MEP1B: variants seen among roughly 807,000 people sequenced by gnomAD.
MEP1B encodes N-benzoyl-L-tyrosyl-P-amino-benzoic acid hydrolase subunit beta.
In MEP1B, 80 loss-of-function variants were observed where a neutral mutation model predicts 84.6. The observed-to-expected ratio is 0.95, with a 90% CI of 0.79 to 1.14. The LOEUF (loss-of-function observed/expected upper bound fraction) is 1.14. Among genes scored for constraint, MEP1B ranks in the 50% most tolerant of loss-of-function variants. The pLI is 0.00. For synonymous variants in MEP1B, 273 were observed against 288.1 expected (o/e 0.95, Z 0.53); for missense variants, 766 against 855.1 (o/e 0.90, Z 1.30).
At chr18:32,192,717 C>T (rs886742593) in intron 3 of MEP1B, 27 bp downstream of exon 3, 40 of 1,611,326 alleles carry the variant, frequency 2.5e-5, no homozygotes, top group Admixed American at 2.0e-4. Flanking sequence ...TACATAATCT[C>T]TTAAGTAGAG....
chr18:32,209,654 A>G (rs1420633879), intron 9 of MEP1B, among the ~76,000 whole-genome samples: 2 of 152,152 alleles, frequency 1.3e-5, no homozygotes, highest in African/African-American at 2.4e-5. Flanking sequence ...TTTTTTCATT[A>G]CAAGTATCAT....
Position 32,202,870 on chromosome 18 carries a change from TTTTG to T in MEP1B, c.251-15_251-12del. On this transcript the variant is annotated intron_variant, in intron 5 of 14. Transcript: ENST00000269202. ...GTGGTGATTGTTTTAATAAGCTTAT[TTTTG>T]TTTGTTTTCTTCCTTCAGAAATGAA... is the stretch of plus-strand genomic sequence containing the variant. 2 of 1,477,976 alleles carry T rather than the reference TTTTG, an allele frequency of 1.4e-6. No individual in the cohort carries two copies. Among genetic ancestry groups the T allele is most frequent in the South Asian group, 2.4e-5 (2 of 84,222 alleles). The allele number at this position is 1,477,976 out of a possible 1,614,324, so 91.6% of individuals were successfully genotyped here.
intron 5 of MEP1B, among the ~76,000 whole-genome samples, chr18:32,195,835 A>T (rs1030098466): frequency 6.6e-6 from 1 of 152,082 alleles, no homozygotes; most frequent in East Asian, 1.9e-4. Flanking sequence ...GTGCAAAAAC[A>T]TCTTTTGGAG....
rs562192005 is a variant in MEP1B at position 32,215,534 on chromosome 18, G to A, written c.1759+273G>A. On this transcript the variant is annotated intron_variant, in intron 12 of 14. Transcript: ENST00000269202. ...GGTTGGGAAATTTCTTTAGAAATAA[G>A]TTAAAATAGGCCGGGCGCAGTGGCT... Among the ~76,000 whole-genome samples the A allele has an allele frequency of 8.8e-4, 134 of 152,250 alleles. 4 individuals carry two copies. In the South Asian group the frequency reaches 0.027, roughly 31 times the overall value.
In MEP1B at chr18:32,208,203, A is replaced by T. The variant is rs2144410727; in HGVS notation, c.851A>T (p.Asp284Val). 1.2e-6 allele frequency: 2 copies of T among 1,613,988 alleles called. No individual in the cohort carries two copies. The highest frequency in any genetic ancestry group is 1.7e-6 in the Non-Finnish European group (2 of 1,179,894). ...GMIQSSGDNA[D>V]WQRVSQVPRG... Reference sequence around the variant, plus strand: ...ATCCAAAGTTCAGGAGATAATGCTGACTGGCAACGGGTTTCACAGGTTCCC... The same window carrying T: ...ATCCAAAGTTCAGGAGATAATGCTGTCTGGCAACGGGTTTCACAGGTTCCC... Residue 284 changes from aspartate to valine, a missense_variant, in exon 9 of 15, where the codon GAC (aspartate) becomes GTC (valine). By Grantham distance (152) the Asp-to-Val change is radical (BLOSUM62 -3). Coordinates refer to ENST00000269202, the MANE Select transcript of MEP1B (RefSeq NM_005925.3).
chr18:32,204,657 A>G (rs1218988053), intron 7 of MEP1B, among the ~76,000 whole-genome samples: 1 of 152,136 alleles, frequency 6.6e-6, no homozygotes, highest in Non-Finnish European at 1.5e-5. Context: ...GCAAATCCCC[A>G]AGTCTTAGTC....
At chr18:32,216,245 T>C (rs183660003) in intron 12 of MEP1B, among the ~76,000 whole-genome samples, 3 of 152,272 alleles carry the variant, frequency 2.0e-5, no homozygotes, top group Admixed American at 2.0e-4. Context: ...CCAGTGTCCA[T>C]TAGAGTAAAT....
At chr18:32,192,582 AT>A (rs2040812654) in intron 2 of MEP1B, 63 bp from the exon 3 acceptor site, 3 of 1,471,862 alleles carry the variant, frequency 2.0e-6, no homozygotes, top group Non-Finnish European at 2.8e-6. Flanking sequence ...TATATAAATG[AT>A]AAAGGTTTTC....
At chr18:32,204,776 AT>A (rs1184241051) in intron 7 of MEP1B, among the ~76,000 whole-genome samples, 1 of 152,146 alleles carries the variant, frequency 6.6e-6, no homozygotes, top group East Asian at 1.9e-4. Flanking sequence ...AGGGGTGGGC[AT>A]TTGATGAGGG....
intron 8 of MEP1B, 111 bp from the exon 9 acceptor site, chr18:32,208,008 G>C: frequency 9.5e-7 from 1 of 1,048,218 alleles, no homozygotes; most frequent in Non-Finnish European, 1.4e-6. Context: ...AATCAGCTAG[G>C]TGTTCCCTGT....
chr18:32,217,615 C>T (rs529034645), intron 13 of MEP1B, 146 bp from the exon 14 acceptor site: 3 of 692,066 alleles, frequency 4.3e-6, no homozygotes, highest in East Asian at 2.7e-5. Flanking sequence ...GCTAGTCTCT[C>T]TCCAGTCCAG....
At chr18:32,209,773 G>A (rs540610563) in intron 9 of MEP1B, among the ~76,000 whole-genome samples, 34 of 150,134 alleles carry the variant, frequency 2.3e-4, no homozygotes, top group African/African-American at 8.3e-4. Context: ...TTCTTTTTTT[G>A]TGACAGTTTG....
In MEP1B at chr18:32,196,780, T is replaced by C; in HGVS notation, c.250+1295T>C. ...AGGTGCATGTTTTCCTGGATGGTGT[T>C]GGGGTGCTCGATGCCCATCACCCGC... On this transcript the variant is annotated intron_variant, in intron 5 of 14. Transcript: ENST00000269202. The surrounding 1 kb of genome is among the most constrained non-coding windows in gnomAD (Gnocchi z 4.4). 1.5e-6 allele frequency: 1 copy of C among 666,414 alleles called. No homozygotes were observed. Among genetic ancestry groups the C allele is most frequent in the South Asian group, 1.7e-5 (1 of 58,968 alleles). 41.3% of individuals were successfully genotyped at this position (666,414 alleles called of 1,614,324 possible).
rs192718677 is a variant in MEP1B at position 32,218,109 on chromosome 18, T to C, written c.2091+144T>C. 2,414 of 709,846 alleles carry C rather than the reference T, an allele frequency of 3.4e-3. 6 individuals are homozygous for C. The highest frequency in any genetic ancestry group is 4.7e-3 in the Non-Finnish European group (2,016 of 425,962). 44.0% of individuals were successfully genotyped at this position (709,846 alleles called of 1,614,324 possible). On this transcript the variant is annotated intron_variant, in intron 14 of 14. Coordinates refer to ENST00000269202, the MANE Select transcript of MEP1B (RefSeq NM_005925.3). ...GACAACTGATTTCAGATTATAAAAG[T>C]TCCTATTACTTTCACTGTAAATCAA...
chr18:32,196,502 C>A lies in MEP1B; in HGVS notation c.250+1017C>A, dbSNP rs1460207156. 4.3e-6 allele frequency: 3 copies of A among 695,696 alleles called. No individual in the cohort carries two copies. Among genetic ancestry groups the A allele is most frequent in the African/African-American group, 1.7e-5 (1 of 57,200 alleles). The allele number at this position is 695,696 out of a possible 1,614,324, so 43.1% of individuals were successfully genotyped here. ...GAAACTCAGCTTTGCTCTCATAGAC[C>A]GAGGTGATGAGGTGGTGGCCAAGGG... On this transcript the variant is annotated intron_variant, in intron 5 of 14. Transcript: ENST00000269202. This position sits in a 1 kb window ranked among gnomAD's most constrained non-coding sequence, Gnocchi z 4.4.
chr18:32,204,191 T>C lies in MEP1B; in HGVS notation c.378T>C (p.Ser126=). ...TAAACTCTCCTGTAAGCTGCTGGTCTTCAGTAGGAAATAGGCGGGTTGGGA... is the reference window on the plus strand; with the variant it reads ...TAAACTCTCCTGTAAGCTGCTGGTCCTCAGTAGGAAATAGGCGGGTTGGGA... ...ISVFKGSGCW[S]SVGNRRVGKQ... is the part of the protein sequence containing the mutation. Residue 126 remains serine, a synonymous_variant, in exon 7 of 15, where the codon TCT becomes TCC. Coordinates refer to ENST00000269202, the MANE Select transcript of MEP1B (RefSeq NM_005925.3). 6.2e-7 allele frequency: 1 copy of C among 1,605,844 alleles called. No homozygotes were observed. Among genetic ancestry groups the C allele is most frequent in the Non-Finnish European group, 8.5e-7 (1 of 1,176,316 alleles).
chr18:32,206,810 C>G (rs1346645173), intron 7 of MEP1B, among the ~76,000 whole-genome samples: 1 of 152,064 alleles, frequency 6.6e-6, no homozygotes, highest in Admixed American at 6.5e-5. Flanking sequence ...CAGGGTTTCA[C>G]CATGTTGGTC....
rs2040844530 is a variant in MEP1B, at chr18:32,195,550, T to C, written c.250+65T>C. The C allele has an allele frequency of 8.1e-6, 9 of 1,108,298 alleles. No individual in the cohort carries two copies. The South Asian group carries it at 9.8e-5, about 12-fold the overall frequency. 68.7% of individuals were successfully genotyped at this position (1,108,298 alleles called of 1,614,324 possible). A position where few individuals can be genotyped will look rare whatever the true frequency, so the allele number is the denominator to read the frequency against. ...TTCTGACAAAATATGATTATAGTGT[T>C]TCAAAGGGTGGGCTTATATAGTCTT... On this transcript the variant is annotated intron_variant, in intron 5 of 14. Transcript: ENST00000269202.
At chr18:32,212,872 G>A (rs1490859533) in intron 10 of MEP1B, among the ~76,000 whole-genome samples, 1 of 152,156 alleles carries the variant, frequency 6.6e-6, no homozygotes, top group African/African-American at 2.4e-5. Context: ...CGATCTCTAG[G>A]AAAGGGTGAT....
Sources: gnomAD v4.1 joint callset for allele counts (sites outside exome capture counted in the v4.1 genomes callset) on GRCh38, gnomAD v4.1.1 for gene constraint, Gnocchi (gnomAD v3.1) non-coding constraint, MANE v1.5 for transcripts, NCBI Gene and HGNC (gene_info 2026-07-23, HGNC 2026-07-21) for gene names.